MCOLN2: variants seen among roughly 807,000 people sequenced by gnomAD.
MCOLN2 encodes mucolipin TRP cation channel 2, also known as mucolipin-2.
In MCOLN2, 57 loss-of-function variants were observed where a neutral mutation model predicts 67.5. The observed-to-expected ratio is 0.84, with a 90% CI of 0.68 to 1.05. The LOEUF is 1.05. Ranked by LOEUF, MCOLN2 falls within the 50% of genes least tolerant of loss-of-function variation. The probability of loss-of-function intolerance (pLI) is 0.00; values close to 1 mark genes in which losing one functional copy is unlikely to be tolerated. For missense variants in MCOLN2, 620 were observed against 678.8 expected (o/e 0.91, Z 0.96); for synonymous variants, 246 against 233.3 (o/e 1.05, Z -0.50).
chr1:84,962,185 T>C (rs1649122190), intron 2 of MCOLN2, among the ~76,000 whole-genome samples: 2 of 152,198 alleles, frequency 1.3e-5, no homozygotes, highest in Admixed American at 6.6e-5. Flanking sequence ...CCAATTTTAT[T>C]AGGGGAAACA....
intron 11 of MCOLN2, among the ~76,000 whole-genome samples, chr1:84,933,230 G>T (rs1647258972): frequency 6.6e-6 from 1 of 152,080 alleles, no homozygotes; most frequent in Admixed American, 6.6e-5. Context: ...AAGAATCACA[G>T]AATGAACTAT....
intron 1 of MCOLN2, among the ~76,000 whole-genome samples, chr1:84,973,031 C>A (rs1200941264): frequency 6.6e-6 from 1 of 152,114 alleles, no homozygotes; most frequent in Non-Finnish European, 1.5e-5. Flanking sequence ...TCCTTGTGCA[C>A]AAGGACGTAT....
intron 1 of MCOLN2, among the ~76,000 whole-genome samples, chr1:84,972,260 C>T (rs1649737509): frequency 6.6e-6 from 1 of 152,146 alleles, no homozygotes; most frequent in Admixed American, 6.5e-5. Flanking sequence ...ACAGACCCAT[C>T]AGCTACAGGG....
chr1:84,938,323 AT>A (rs1647554459), intron 9 of MCOLN2, among the ~76,000 whole-genome samples: 1 of 152,196 alleles, frequency 6.6e-6, no homozygotes, highest in Non-Finnish European at 1.5e-5. Context: ...ATACTCTGAA[AT>A]AGAAATTGTA....
intron 1 of MCOLN2, among the ~76,000 whole-genome samples, chr1:84,978,365 A>G (rs959390569): frequency 9.2e-5 from 14 of 151,962 alleles, no homozygotes; most frequent in Admixed American, 9.2e-4. Context: ...CAAAATTAGT[A>G]GAAACATAAA....
chr1:84,979,545 A>C (rs1224379507), intron 1 of MCOLN2, among the ~76,000 whole-genome samples: 1 of 152,230 alleles, frequency 6.6e-6, no homozygotes, highest in Non-Finnish European at 1.5e-5. Context: ...AATGTGATGC[A>C]TCATATTAAC....
chr1:84,945,889 G>C (rs917270456), intron 7 of MCOLN2, among the ~76,000 whole-genome samples: 1 of 152,016 alleles, frequency 6.6e-6, no homozygotes, highest in Non-Finnish European at 1.5e-5. Context: ...TGGGATTACA[G>C]GTGCATGTGC....
At chr1:84,987,523 T>G (rs377562832) in intron 1 of MCOLN2, among the ~76,000 whole-genome samples, 990 of 37,350 alleles carry the variant, frequency 0.027, 85 homozygotes, top group African/African-American at 0.064. Flanking sequence ...TATGTATATA[T>G]GTATACATCT....
At chr1:84,944,330 C>T (rs1332001809) in intron 7 of MCOLN2, among the ~76,000 whole-genome samples, 2 of 152,076 alleles carry the variant, frequency 1.3e-5, no homozygotes, top group African/African-American at 4.8e-5. Flanking sequence ...GTCAGGAGTT[C>T]AAGACCAGCC....
chr1:84,986,975 T>C (rs1650538354), intron 1 of MCOLN2, among the ~76,000 whole-genome samples: 1 of 152,038 alleles, frequency 6.6e-6, no homozygotes, highest in Admixed American at 6.6e-5. Context: ...GGAGATTCCT[T>C]AAAGGACTAA....
At chr1:84,930,405 C>T (rs760270844) in intron 12 of MCOLN2, among the ~76,000 whole-genome samples, 7 of 152,118 alleles carry the variant, frequency 4.6e-5, no homozygotes, top group Middle Eastern at 3.4e-3. Flanking sequence ...AAGTTGGTCG[C>T]TTAGTGGAAC....
At chr1:84,982,702 T>C (rs1448751949) in intron 1 of MCOLN2, among the ~76,000 whole-genome samples, 1 of 152,068 alleles carries the variant, frequency 6.6e-6, no homozygotes, top group Non-Finnish European at 1.5e-5. Context: ...TTAAAGAAAT[T>C]TATGTTTGTT....
Position 84,947,037 on chromosome 1 carries a change from T to G in MCOLN2, c.843A>C (p.Gly281=). The change falls in exon 7 of 14, where the codon GGA becomes GGC. Residue 281 remains glycine, a synonymous_variant. Transcript: ENST00000370608. ...GCAAGTATATAGCATACTTACTAGA[T>G]CCAAATATGTTCAAGTCTTTACATT... The part of the protein sequence containing the change: ...IEECKDLNIF[G]STQKNAQYVL... 6.8e-7 allele frequency: 1 copy of G among 1,478,624 alleles called. No homozygotes were observed. The highest frequency in any genetic ancestry group is 9.5e-7 in the Non-Finnish European group (1 of 1,057,464). The allele number at this position is 1,478,624 out of a possible 1,614,324, so 91.6% of individuals were successfully genotyped here. A position where few individuals can be genotyped will look rare whatever the true frequency, so the allele number is the denominator to read the frequency against.
chr1:84,968,790 A>G (rs1218123739), intron 1 of MCOLN2, among the ~76,000 whole-genome samples: 1 of 152,222 alleles, frequency 6.6e-6, no homozygotes, highest in Non-Finnish European at 1.5e-5. Flanking sequence ...CCATAAAAAA[A>G]TTCTCTGACC....
chr1:84,968,111 G>C (rs1649474495), intron 1 of MCOLN2, among the ~76,000 whole-genome samples: 1 of 152,116 alleles, frequency 6.6e-6, no homozygotes, highest in African/African-American at 2.4e-5. Flanking sequence ...CAAGATTCTA[G>C]GCCCAAAGGC....
rs1272022269 is a variant in MCOLN2, at chr1:84,956,583, T to C, written c.413A>G (p.Tyr138Cys). Residue 138 changes from tyrosine to cysteine, a missense_variant and splice_region_variant, in exon 4 of 14, where the codon TAT becomes TGT. Physicochemically the swap from Tyr to Cys is radical, Grantham distance 194. Coordinates refer to ENST00000370608, the MANE Select transcript of MCOLN2 (RefSeq NM_153259.4). ...CAGGGTAATGTCCTTTAGCTGATGA[T>C]ACTATTAAAAAATAGTCAAGTAAAA... Reference protein sequence around the residue: ...YESIFFAINQYHQLKDITLGT... With the variant: ...YESIFFAINQCHQLKDITLGT... The C allele has an allele frequency of 1.9e-6, 3 of 1,576,288 alleles. No individual in the cohort carries two copies. Among genetic ancestry groups the C allele is most frequent in the Non-Finnish European group, 2.6e-6 (3 of 1,168,286 alleles).
At chr1:84,977,177 G>A (rs1650030314) in intron 1 of MCOLN2, among the ~76,000 whole-genome samples, 1 of 151,834 alleles carries the variant, frequency 6.6e-6, no homozygotes, top group African/African-American at 2.4e-5. Context: ...GTTGTTATCA[G>A]CTCAAAATAA....
At chr1:84,985,005 G>C (rs1650436614) in intron 1 of MCOLN2, among the ~76,000 whole-genome samples, 2 of 151,524 alleles carry the variant, frequency 1.3e-5, no homozygotes. Flanking sequence ...AAGAAAAATT[G>C]AAATAAAATT....
At chr1:84,987,471 G>GT (rs1650601656) in intron 1 of MCOLN2, among the ~76,000 whole-genome samples, 1 of 45,802 alleles carries the variant, frequency 2.2e-5, no homozygotes, top group South Asian at 6.6e-4. Context: ...TGTATATATA[G>GT]ATATATATAC....
Sources: gnomAD v4.1 joint callset for allele counts (sites outside exome capture counted in the v4.1 genomes callset) on GRCh38, gnomAD v4.1.1 for gene constraint, MANE v1.5 for transcripts, NCBI Gene and HGNC (gene_info 2026-07-23, HGNC 2026-07-21) for gene names.